The following SH2D4A variants were observed in gnomAD, a reference collection of about 807,000 sequenced individuals.
SH2D4A encodes the protein SH2 domain-containing protein 4A.
In SH2D4A, 70 loss-of-function variants were observed where a neutral mutation model predicts 64.7. The ratio of observed to expected loss-of-function variants is 1.08; its 90% confidence interval spans 0.89 to 1.32. The LOEUF (loss-of-function observed/expected upper bound fraction) is 1.32, where lower values mean the gene tolerates loss of function less well. Among genes scored for constraint, SH2D4A ranks in the 40% most tolerant of loss-of-function variants. The probability of loss-of-function intolerance (pLI) is 0.00; values close to 1 mark genes in which losing one functional copy is unlikely to be tolerated. For synonymous variants in SH2D4A, 268 were observed against 200.7 expected, an observed-to-expected ratio of 1.34 and a Z score of -2.83; for missense variants, 706 against 540.1, an observed-to-expected ratio of 1.31 and a Z score of -3.04.
intron 1 of SH2D4A, 161 bp downstream of exon 1, chr8:19,313,984 G>C (rs2052040532): frequency 1.5e-5 from 19 of 1,253,630 alleles, no homozygotes; most frequent in Non-Finnish European, 1.9e-5. Flanking sequence ...CGCGGCGCCC[G>C]GGGCGGGCTC....
intron 4 of SH2D4A, among the ~76,000 whole-genome samples, chr8:19,356,521 C>T (rs1322039918): frequency 1.3e-5 from 2 of 152,166 alleles, no homozygotes; most frequent in African/African-American, 4.8e-5. Context: ...TGATGGGGGC[C>T]TGTGTCTTAA....
intron 4 of SH2D4A, among the ~76,000 whole-genome samples, chr8:19,339,524 C>T (rs1202855567): frequency 7.5e-5 from 9 of 120,392 alleles, no homozygotes; most frequent in African/African-American, 2.5e-4. Context: ...CTTTTTGAGG[C>T]AGGGTCTCCC....
chr8:19,341,679 T>C (rs969337241), intron 4 of SH2D4A, among the ~76,000 whole-genome samples: 1 of 151,680 alleles, frequency 6.6e-6, no homozygotes, highest in African/African-American at 2.4e-5. Flanking sequence ...CCTGTCTCTA[T>C]AAAAAACACA....
At chr8:19,368,632 T>TTG (rs1554484345) in intron 7 of SH2D4A, among the ~76,000 whole-genome samples, 1 of 151,698 alleles carries the variant, frequency 6.6e-6, no homozygotes, top group Admixed American at 6.6e-5. Flanking sequence ...TTTTTTTTTT[T>TTG]TTGTTAGTCC....
chr8:19,372,032 GTATCT>G (rs1162699374), intron 7 of SH2D4A, among the ~76,000 whole-genome samples: 3 of 152,034 alleles, frequency 2.0e-5, no homozygotes, highest in Admixed American at 6.6e-5. Context: ...TTGACCTGTG[GTATCT>G]TATTTTGTAC....
intron 1 of SH2D4A, among the ~76,000 whole-genome samples, chr8:19,315,230 A>T (rs530452097): frequency 1.4e-4 from 22 of 152,128 alleles, no homozygotes; most frequent in Non-Finnish European, 2.8e-4. Flanking sequence ...CAAACTCTCC[A>T]ACTCAAGAGA....
chr8:19,387,747 C>T (rs908649482), intron 8 of SH2D4A, among the ~76,000 whole-genome samples: 2 of 152,198 alleles, frequency 1.3e-5, no homozygotes, highest in African/African-American at 4.8e-5. Flanking sequence ...TAGGCAGTCA[C>T]ATGACTCTGT....
intron 1 of SH2D4A, among the ~76,000 whole-genome samples, chr8:19,316,796 C>T (rs768390686): frequency 2.4e-4 from 37 of 152,188 alleles, no homozygotes; most frequent in African/African-American, 8.0e-4. Context: ...CTGGACTGCC[C>T]GGCTCTGCCG....
At chr8:19,354,657 G>A (rs2117265091) in intron 4 of SH2D4A, among the ~76,000 whole-genome samples, 1 of 152,304 alleles carries the variant, frequency 6.6e-6, no homozygotes, top group East Asian at 1.9e-4. Flanking sequence ...AAAATACCTG[G>A]TTCATGTGTA....
chr8:19,337,418 T>C (rs887156395), intron 4 of SH2D4A, among the ~76,000 whole-genome samples: 2 of 152,158 alleles, frequency 1.3e-5, no homozygotes, highest in African/African-American at 4.8e-5. Flanking sequence ...AATGTGAGCT[T>C]ATTTGGAAAT....
At chr8:19,383,959 A>G (rs996024738) in intron 8 of SH2D4A, among the ~76,000 whole-genome samples, 1 of 152,210 alleles carries the variant, frequency 6.6e-6, no homozygotes, top group Non-Finnish European at 1.5e-5. Context: ...AAATCAGCTG[A>G]TATGTAAAGT....
chr8:19,362,989 C>A lies in SH2D4A; in HGVS notation c.707-1083C>A, dbSNP rs534256258. ...AACTTCCAGTCCTGCAAGCTCCATT[C>A]ATGGTAAGTGCCTTATGTAGAGGCA... On this transcript the variant is annotated intron_variant, in intron 6 of 9. Coordinates refer to ENST00000265807, the MANE Select transcript of SH2D4A (RefSeq NM_022071.4). Among the ~76,000 whole-genome samples the A allele has an allele frequency of 1.2e-3, 190 of 152,268 alleles. 1 individual carries two copies. The highest frequency in any genetic ancestry group is 4.4e-3 in the African/African-American group (184 of 41,544).
intron 4 of SH2D4A, among the ~76,000 whole-genome samples, chr8:19,345,800 A>G (rs1048574629): frequency 3.3e-5 from 5 of 152,234 alleles, no homozygotes; most frequent in Non-Finnish European, 4.4e-5. Context: ...AACCCAAGTT[A>G]TATCTTCATT....
Position 19,313,753 on chromosome 8 carries a change from C to A in SH2D4A, c.-275C>A. 6.6e-7 allele frequency: 1 copy of A among 1,509,884 alleles called. No individual in the cohort carries two copies. 93.5% of individuals were successfully genotyped at this position (1,509,884 alleles called of 1,614,324 possible). A position where few individuals can be genotyped will look rare whatever the true frequency, so the allele number is the denominator to read the frequency against. ...CTCTGCCTTTCCCTCCCTCCCTTCC[C>A]CGACGGCTTCTGGCGGCCAAGTGGA... On this transcript the variant is annotated 5_prime_UTR_variant, in exon 1 of 10. Coordinates refer to ENST00000265807, the MANE Select transcript of SH2D4A (RefSeq NM_022071.4).
intron 4 of SH2D4A, among the ~76,000 whole-genome samples, chr8:19,336,651 C>T (rs976912961): frequency 6.6e-6 from 1 of 151,960 alleles, no homozygotes; most frequent in African/African-American, 2.4e-5. Flanking sequence ...CCAGGAGTTC[C>T]AGACAAGCCT....
At chr8:19,336,029 C>T (rs760538857) in intron 4 of SH2D4A, among the ~76,000 whole-genome samples, 1 of 152,182 alleles carries the variant, frequency 6.6e-6, no homozygotes, top group Non-Finnish European at 1.5e-5. Flanking sequence ...CCTGCCTCCT[C>T]CTAGGACCTA....
chr8:19,348,231 G>C (rs1563195544), intron 4 of SH2D4A, among the ~76,000 whole-genome samples: 1 of 152,062 alleles, frequency 6.6e-6, no homozygotes, highest in African/African-American at 2.4e-5. Flanking sequence ...AAGAAGCTTG[G>C]ATTACAGATG....
intron 2 of SH2D4A, among the ~76,000 whole-genome samples, chr8:19,329,546 G>A (rs1298843172): frequency 6.6e-6 from 1 of 152,170 alleles, no homozygotes; most frequent in Admixed American, 6.5e-5. Context: ...AGACCATCTT[G>A]TCCTAAGTGT....
At chr8:19,345,122 A>G (rs2052591965) in intron 4 of SH2D4A, among the ~76,000 whole-genome samples, 1 of 152,158 alleles carries the variant, frequency 6.6e-6, no homozygotes, top group Admixed American at 6.5e-5. Context: ...TTGTTTAGTG[A>G]TCATAGAGCC....
Sources: gnomAD v4.1 joint callset for allele counts (sites outside exome capture counted in the v4.1 genomes callset) on GRCh38, gnomAD v4.1.1 for gene constraint, MANE v1.5 for transcripts, NCBI Gene and HGNC (gene_info 2026-07-23, HGNC 2026-07-21) for gene names.